Variants in SLCO1A2 observed in about 807,000 individuals in gnomAD.
SLCO1A2 encodes solute carrier organic anion transporter family member 1A2.
Under a neutral mutation model 69.0 loss-of-function variants are expected in SLCO1A2, and 67 were observed. The ratio of observed to expected loss-of-function variants is 0.97; its 90% CI spans 0.80 to 1.19. The LOEUF (loss-of-function observed/expected upper bound fraction) is 1.19. SLCO1A2 is among the 50% of genes most tolerant of loss of function. The pLI, the probability that SLCO1A2 is intolerant of heterozygous loss-of-function variation, is 0.00. For missense variants in SLCO1A2, 787 were observed against 793.7 expected, an observed-to-expected ratio of 0.99 and a Z score of 0.10; for synonymous variants, 260 against 265.9, an observed-to-expected ratio of 0.98 and a Z score of 0.22.
chr12:21,390,898 A>G (rs1941119014), intron 1 of SLCO1A2, among the ~76,000 whole-genome samples: 1 of 152,184 alleles, frequency 6.6e-6, no homozygotes, highest in Non-Finnish European at 1.5e-5. Flanking sequence ...AAATTCACTG[A>G]AAAGTTGTCA....
intron 2 of SLCO1A2, among the ~76,000 whole-genome samples, chr12:21,360,228 T>C (rs575824416): frequency 7.9e-5 from 12 of 152,298 alleles, no homozygotes; most frequent in East Asian, 1.9e-4. Flanking sequence ...GTCTGTTACA[T>C]TGATTGTGGT....
At chr12:21,361,859 G>T (rs1938921761) in intron 2 of SLCO1A2, among the ~76,000 whole-genome samples, 1 of 152,102 alleles carries the variant, frequency 6.6e-6, no homozygotes, top group Non-Finnish European at 1.5e-5. Context: ...AGAGTAAAAA[G>T]AAATGAACAA....
intron 12 of SLCO1A2, among the ~76,000 whole-genome samples, chr12:21,285,133 G>C (rs1945513002): frequency 7.1e-6 from 1 of 141,098 alleles, no homozygotes; most frequent in Non-Finnish European, 1.6e-5. Context: ...GAAAAAAAGA[G>C]AGAAGAATCA....
chr12:21,271,884 G>GTA (rs1231037045), intron 14 of SLCO1A2, among the ~76,000 whole-genome samples: 1 of 148,854 alleles, frequency 6.7e-6, no homozygotes, highest in Non-Finnish European at 1.5e-5. Flanking sequence ...ATACATATGT[G>GTA]TATATATATT....
chr12:21,385,960 G>A (rs887665866), intron 1 of SLCO1A2, among the ~76,000 whole-genome samples: 1 of 152,196 alleles, frequency 6.6e-6, no homozygotes, highest in African/African-American at 2.4e-5. Flanking sequence ...AGCCCTTGGA[G>A]TACCCAGATA....
At chr12:21,352,266 T>C (rs1464306057) in intron 2 of SLCO1A2, among the ~76,000 whole-genome samples, 1 of 152,146 alleles carries the variant, frequency 6.6e-6, no homozygotes, top group African/African-American at 2.4e-5. Context: ...CTAGGACAGG[T>C]GGACGGCAGC....
At chr12:21,356,646 T>C (rs1199217588) in intron 2 of SLCO1A2, among the ~76,000 whole-genome samples, 1 of 152,128 alleles carries the variant, frequency 6.6e-6, no homozygotes, top group African/African-American at 2.4e-5. Flanking sequence ...AGTAAAGATA[T>C]GAGTGTTATA....
intron 10 of SLCO1A2, chr12:21,295,354 A>G (rs1947548684): frequency 5.0e-6 from 2 of 402,810 alleles, no homozygotes; most frequent in East Asian, 9.7e-5. Flanking sequence ...AATCATGCAC[A>G]CACACCCACA....
chr12:21,293,910 A>C (rs764906269), intron 11 of SLCO1A2, 35 bp downstream of exon 11: 20 of 1,566,800 alleles, frequency 1.3e-5, no homozygotes, highest in Non-Finnish European at 1.7e-5. Flanking sequence ...GTACCAATGC[A>C]ACTCAAAAAA....
upstream of SLCO1A2, chr12:21,418,040 C>T (rs1309492754): frequency 6.6e-6 from 1 of 152,160 alleles, no homozygotes; most frequent in African/African-American, 2.4e-5. Flanking sequence ...CTCATCCCCA[C>T]ACCTGACCTG....
At chr12:21,312,921 T>A (rs1950402950) in intron 4 of SLCO1A2, among the ~76,000 whole-genome samples, 1 of 151,696 alleles carries the variant, frequency 6.6e-6, no homozygotes, top group Admixed American at 6.6e-5. Flanking sequence ...CAAAAAAATA[T>A]ATATATATAC....
intron 9 of SLCO1A2, among the ~76,000 whole-genome samples, chr12:21,296,100 G>C (rs566013311): frequency 2.2e-4 from 33 of 152,238 alleles, no homozygotes; most frequent in African/African-American, 6.0e-4. Flanking sequence ...TTAGGATCCA[G>C]GTAGAAGTGG....
At chr12:21,293,101 G>A (rs568951177) in intron 11 of SLCO1A2, among the ~76,000 whole-genome samples, 20 of 151,972 alleles carry the variant, frequency 1.3e-4, no homozygotes, top group East Asian at 5.9e-4. Flanking sequence ...TCAGGAGTTC[G>A]AGACCAGCCT....
upstream of SLCO1A2, among the ~76,000 whole-genome samples, chr12:21,397,476 T>A (rs1941513736): frequency 6.6e-6 from 1 of 151,386 alleles, no homozygotes; most frequent in Non-Finnish European, 1.5e-5. Context: ...AGACAGAAAG[T>A]CAACAAGGAT....
chr12:21,274,685 T>A, intron 13 of SLCO1A2, 99 bp from the exon 14 acceptor site: 1 of 880,336 alleles, frequency 1.1e-6, no homozygotes, highest in Non-Finnish European at 1.8e-6. Flanking sequence ...GCAAAGTTTA[T>A]CAAAACATAA....
intron 2 of SLCO1A2, among the ~76,000 whole-genome samples, chr12:21,339,959 A>C (rs1246612377): frequency 6.6e-6 from 1 of 151,952 alleles, no homozygotes; most frequent in Non-Finnish European, 1.5e-5. Context: ...TAGATGAAAG[A>C]TGTATGGTAT....
At chr12:21,378,361 A>G (rs1591900333) in intron 1 of SLCO1A2, 1 of 1,614,176 alleles carries the variant, frequency 6.2e-7, no homozygotes, top group African/African-American at 1.3e-5. Context: ...GGGATCCAAT[A>G]CATATGGCAA....
intron 2 of SLCO1A2, among the ~76,000 whole-genome samples, chr12:21,368,255 T>C (rs1467815074): frequency 6.6e-6 from 1 of 152,088 alleles, no homozygotes; most frequent in Non-Finnish European, 1.5e-5. Flanking sequence ...ACTACAAGTA[T>C]AGAGGAAATG....
chr12:21,398,451 G>A (rs1009061601), upstream of SLCO1A2, among the ~76,000 whole-genome samples: 16 of 140,930 alleles, frequency 1.1e-4, no homozygotes, highest in Non-Finnish European at 2.5e-4. Flanking sequence ...GAGGTACAAG[G>A]AGGAACTGGT....
Sources: gnomAD v4.1 joint callset for allele counts (sites outside exome capture counted in the v4.1 genomes callset) on GRCh38, gnomAD v4.1.1 for gene constraint, MANE v1.5 for transcripts, NCBI Gene and HGNC (gene_info 2026-07-23, HGNC 2026-07-21) for gene names.